The following NKAIN2 variants were observed in gnomAD, a reference collection of about 807,000 sequenced individuals.
NKAIN2 encodes the protein sodium/potassium-transporting ATPase subunit beta-1-interacting protein 2.
A neutral mutation model predicts 32.6 loss-of-function variants in NKAIN2; 14 were observed. That is an observed-to-expected ratio of 0.43 (90% CI 0.28 to 0.67). The LOEUF (loss-of-function observed/expected upper bound fraction) is 0.67, where lower values mean the gene tolerates loss of function less well. Ranked by LOEUF, NKAIN2 falls within the 30% of genes least tolerant of loss-of-function variation. The pLI, the probability that NKAIN2 is intolerant of heterozygous loss-of-function variation, is 0.17. For missense variants in NKAIN2, 198 were observed against 258.3 expected, an observed-to-expected ratio of 0.77 and a Z score of 1.60; for synonymous variants, 80 against 87.2, an observed-to-expected ratio of 0.92 and a Z score of 0.46.
At chr6:124,073,813 C>G (rs553655152) in intron 1 of NKAIN2, among the ~76,000 whole-genome samples, 72 of 152,194 alleles carry the variant, frequency 4.7e-4, no homozygotes, top group African/African-American at 9.6e-4. Flanking sequence ...TCCCCCACCC[C>G]CACCGGGCAG....
At chr6:124,195,054 T>C (rs1582827472) in intron 1 of NKAIN2, among the ~76,000 whole-genome samples, 1 of 151,622 alleles carries the variant, frequency 6.6e-6, no homozygotes, top group Non-Finnish European at 1.5e-5. Flanking sequence ...TTTTTATTTT[T>C]TGTGTTCTAT....
intron 3 of NKAIN2, among the ~76,000 whole-genome samples, chr6:124,647,620 T>C (rs1184814268): frequency 2.6e-5 from 4 of 151,124 alleles, no homozygotes; most frequent in African/African-American, 9.7e-5. Flanking sequence ...TTTGGAACTA[T>C]ATCATTGCTT....
intron 3 of NKAIN2, among the ~76,000 whole-genome samples, chr6:124,433,208 A>G (rs1434734730): frequency 6.6e-6 from 1 of 152,150 alleles, no homozygotes; most frequent in Non-Finnish European, 1.5e-5. Flanking sequence ...GGACTGGGCC[A>G]CTTTTTCCAC....
rs143718692 is a variant in NKAIN2, at chr6:124,152,288, C to T, written c.55-130717C>T. Reference sequence around the variant, plus strand: ...AATTGTAAAAGTCAAATTCTAGTTTCTCTATTCTGTTTCATTAGTCTAATT... The same window carrying T: ...AATTGTAAAAGTCAAATTCTAGTTTTTCTATTCTGTTTCATTAGTCTAATT... On this transcript the variant is annotated intron_variant, in intron 1 of 6. Transcript: ENST00000368417. 2.5e-3 allele frequency among the ~76,000 whole-genome samples: 384 copies of T among 152,048 alleles called. 1 individual carries two copies. Among genetic ancestry groups the T allele is most frequent in the African/African-American group, 8.6e-3 (359 of 41,534 alleles).
intron 3 of NKAIN2, among the ~76,000 whole-genome samples, chr6:124,605,325 A>G (rs1349480394): frequency 2.6e-5 from 4 of 152,210 alleles, no homozygotes; most frequent in East Asian, 1.9e-4. Flanking sequence ...TACTGTTTGC[A>G]TAGGCACTAT....
At chr6:124,300,265 G>A (rs961919973) in intron 2 of NKAIN2, among the ~76,000 whole-genome samples, 7 of 152,098 alleles carry the variant, frequency 4.6e-5, no homozygotes, top group Non-Finnish European at 1.0e-4. Context: ...AGATTTCATG[G>A]TTTTAAAAAT....
chr6:124,653,226 A>G (rs1784426047), intron 3 of NKAIN2, among the ~76,000 whole-genome samples: 1 of 152,114 alleles, frequency 6.6e-6, no homozygotes, highest in Non-Finnish European at 1.5e-5. Flanking sequence ...TTGAGGACCA[A>G]TAACACCTAA....
In NKAIN2 at chr6:123,943,775, C is replaced by T. The variant is rs1484812280; in HGVS notation, c.54+139521C>T. Among the ~76,000 whole-genome samples the T allele has an allele frequency of 5.3e-5, 8 of 152,110 alleles. No homozygotes were observed. In the East Asian group the frequency reaches 1.5e-3, roughly 29 times the overall value. ...TGGGTATTCCATTGTTCTAGGTATT[C>T]AGCTGAACTACTGGAAGAGCAAATT... is the stretch of plus-strand genomic sequence containing the variant. On this transcript the variant is annotated intron_variant, in intron 1 of 6. Transcript: ENST00000368417.
intron 1 of NKAIN2, among the ~76,000 whole-genome samples, chr6:124,218,280 G>T (rs1216589690): frequency 6.6e-6 from 1 of 152,018 alleles, no homozygotes; most frequent in Non-Finnish European, 1.5e-5. Context: ...CGCGTGCGTG[G>T]AGTATTTTTA....
chr6:124,055,918 T>G (rs1782623231), intron 1 of NKAIN2, among the ~76,000 whole-genome samples: 1 of 152,090 alleles, frequency 6.6e-6, no homozygotes, highest in African/African-American at 2.4e-5. Context: ...CTAAAATGGT[T>G]GAATTTGTCT....
chr6:124,287,463 A>G (rs977136671), intron 2 of NKAIN2, among the ~76,000 whole-genome samples: 1 of 152,170 alleles, frequency 6.6e-6, no homozygotes, highest in Non-Finnish European at 1.5e-5. Context: ...GCAAAGAAAA[A>G]AAGATTAAAA....
chr6:123,982,159 G>T (rs1482523323), intron 1 of NKAIN2, among the ~76,000 whole-genome samples: 7 of 151,962 alleles, frequency 4.6e-5, no homozygotes, highest in African/African-American at 1.7e-4. Flanking sequence ...ACTCTGATCT[G>T]GATGCTGGAG....
chr6:123,907,360 C>T (rs1774932985), intron 1 of NKAIN2, among the ~76,000 whole-genome samples: 2 of 152,136 alleles, frequency 1.3e-5, no homozygotes, highest in African/African-American at 2.4e-5. Context: ...TTAGATCTAA[C>T]ATTTGATAGC....
chr6:124,015,761 A>G (rs894819837), intron 1 of NKAIN2, among the ~76,000 whole-genome samples: 1 of 152,160 alleles, frequency 6.6e-6, no homozygotes, highest in Admixed American at 6.6e-5. Flanking sequence ...ACGCTCATAT[A>G]AGAGTCAGTA....
chr6:124,571,621 G>A (rs1781130739), intron 3 of NKAIN2, among the ~76,000 whole-genome samples: 1 of 152,086 alleles, frequency 6.6e-6, no homozygotes, highest in Admixed American at 6.5e-5. Flanking sequence ...TCAGCCACGT[G>A]GAACTGTAAG....
intron 1 of NKAIN2, among the ~76,000 whole-genome samples, chr6:123,883,183 C>G (rs568009391): frequency 3.9e-5 from 6 of 151,950 alleles, no homozygotes; most frequent in African/African-American, 1.2e-4. Context: ...CTTGCTCTGT[C>G]GCCCAGGCTG....
intron 1 of NKAIN2, among the ~76,000 whole-genome samples, chr6:124,004,294 A>G (rs2114719408): frequency 6.6e-6 from 1 of 152,240 alleles, no homozygotes; most frequent in Non-Finnish European, 1.5e-5. Context: ...ATTCAAAAAT[A>G]TTTGTTTACA....
intron 3 of NKAIN2, among the ~76,000 whole-genome samples, chr6:124,545,916 A>T (rs1170350761): frequency 6.6e-6 from 1 of 152,034 alleles, no homozygotes; most frequent in Non-Finnish European, 1.5e-5. Context: ...GTATACTCTA[A>T]TGACACATTA....
intron 3 of NKAIN2, among the ~76,000 whole-genome samples, chr6:124,611,065 T>A (rs1199475659): frequency 6.6e-6 from 1 of 152,180 alleles, no homozygotes; most frequent in African/African-American, 2.4e-5. Context: ...TTTTTGTGTG[T>A]GCAGAAAACA....
Sources: allele counts gnomAD v4.1 joint callset (sites outside exome capture counted in the v4.1 genomes callset), GRCh38; gene constraint gnomAD v4.1.1; transcripts MANE v1.5; gene names NCBI Gene and HGNC (gene_info 2026-07-23, HGNC 2026-07-21).